Variants in WDR11 observed in about 807,000 individuals in gnomAD.
The protein encoded by WDR11 is WD repeat domain 11.
WDR11 carries 83 observed loss-of-function variants against 151.2 expected under a neutral mutation model. The ratio of observed to expected loss-of-function variants is 0.55; its 90% CI spans 0.46 to 0.66. The LOEUF (loss-of-function observed/expected upper bound fraction) is 0.66, where lower values mean the gene tolerates loss of function less well. Among genes scored for constraint, WDR11 ranks in the 30% least tolerant of loss-of-function variants. WDR11 has a pLI of 0.00. For synonymous variants in WDR11, 484 were observed against 533.1 expected (o/e 0.91, Z 1.27); for missense variants, 1,301 against 1,480.9 (o/e 0.88, Z 1.99).
chr10:120,864,314 A>AT (rs2133742815), intron 5 of WDR11, among the ~76,000 whole-genome samples: 1 of 152,324 alleles, frequency 6.6e-6, no homozygotes, highest in East Asian at 1.9e-4. Flanking sequence ...TTTTAATAAA[A>AT]TTATGTTTGT....
chr10:120,903,546 G>A (rs1367544733), intron 23 of WDR11, among the ~76,000 whole-genome samples: 1 of 143,056 alleles, frequency 7.0e-6, no homozygotes, highest in South Asian at 2.3e-4. Flanking sequence ...AGAAGCCCTC[G>A]GTACATTTGC....
intron 2 of WDR11, among the ~76,000 whole-genome samples, chr10:120,856,390 C>G (rs1845945540): frequency 1.3e-5 from 2 of 152,006 alleles, no homozygotes; most frequent in African/African-American, 4.8e-5. Flanking sequence ...GCCTGGCCAA[C>G]AAGGCAAAAC....
At chr10:120,878,974 T>G (rs1420963523) in intron 12 of WDR11, 1 of 152,392 alleles carries the variant, frequency 6.6e-6, no homozygotes, top group Non-Finnish European at 1.5e-5. Flanking sequence ...AAGGTAACTT[T>G]TTCAGAATTG....
intron 28 of WDR11, 113 bp downstream of exon 28, chr10:120,906,968 C>T: frequency 6.8e-7 from 1 of 1,476,778 alleles, no homozygotes; most frequent in South Asian, 1.2e-5. Context: ...TGTGAAAGAT[C>T]CATGTTCTGA....
At chr10:120,903,427 T>C (rs1386447870) in intron 23 of WDR11, among the ~76,000 whole-genome samples, 195 bp downstream of exon 23, 1 of 151,798 alleles carries the variant, frequency 6.6e-6, no homozygotes, top group Non-Finnish European at 1.5e-5. Context: ...GGAGAATCAC[T>C]TGAACCCAGG....
At chr10:120,900,263 G>A (rs1847765929) in intron 20 of WDR11, 126 bp downstream of exon 20, 1 of 853,936 alleles carries the variant, frequency 1.2e-6, no homozygotes, top group African/African-American at 1.7e-5. Flanking sequence ...AGAGAAGGCA[G>A]AGACACTACA....
intron 14 of WDR11, 142 bp downstream of exon 14, chr10:120,884,030 TAAATG>T: frequency 1.5e-6 from 1 of 678,484 alleles, no homozygotes; most frequent in South Asian, 1.8e-5. Flanking sequence ...ATGATCTAAA[TAAATG>T]GAGATAATTC....
intron 4 of WDR11, among the ~76,000 whole-genome samples, chr10:120,861,446 T>C (rs556956222): frequency 2.6e-5 from 4 of 152,330 alleles, no homozygotes; most frequent in African/African-American, 9.6e-5. Context: ...CTAGGAGGGC[T>C]GGCCCAGTTG....
chr10:120,855,839 T>A (rs1845926708), intron 2 of WDR11, among the ~76,000 whole-genome samples: 1 of 152,194 alleles, frequency 6.6e-6, no homozygotes, highest in Non-Finnish European at 1.5e-5. Context: ...ATAATCTGTG[T>A]GTCTTCTATT....
Position 120,889,977 on chromosome 10 carries a change from A to G in WDR11, c.2311A>G (p.Asn771Asp), listed in dbSNP as rs1847367560. ...KGNQKLIAMY[N>D]DGAEVWDTKE... is the part of the protein sequence containing the mutation. ...AAATCAAAAATTAATAGCAATGTAC[A>G]ATGATGGAGCTGAAGTGTGGGATAC... The change falls in exon 18 of 29, where the codon AAT (asparagine) becomes GAT (aspartate). Residue 771 changes from asparagine (N) to aspartate (D), a missense_variant. Physicochemically the swap from Asn to Asp is conservative, Grantham distance 23. Coordinates refer to ENST00000263461, the MANE Select transcript of WDR11 (RefSeq NM_018117.12). 4.3e-6 allele frequency: 7 copies of G among 1,613,884 alleles called. No individual in the cohort carries two copies. The highest frequency in any genetic ancestry group is 5.9e-6 in the Non-Finnish European group (7 of 1,179,810).
At chr10:120,872,574 G>A (rs3781244) in intron 10 of WDR11, among the ~76,000 whole-genome samples, 47,216 of 109,306 alleles carry the variant, frequency 0.43, 7,637 homozygotes, top group East Asian at 0.53. Flanking sequence ...AAAAATATAA[G>A]TACCTAAAAG....
At position 120,904,064 on chromosome 10, in the gene WDR11, G is replaced by C; in HGVS notation, c.2949G>C (p.Arg983Ser). 6.2e-7 allele frequency: 1 copy of C among 1,612,008 alleles called. No individual in the cohort carries two copies. The highest frequency in any genetic ancestry group is 1.3e-5 in the African/African-American group (1 of 74,918). The change falls in exon 24 of 29, where the codon AGG becomes AGC. Residue 983 changes from arginine (R) to serine (S), a missense_variant. Arg to Ser is a moderately radical substitution (Grantham distance 110). Coordinates refer to ENST00000263461, the MANE Select transcript of WDR11 (RefSeq NM_018117.12). The part of the protein sequence containing the change: ...NAYFQKFQLE[R>S]VNLQEVKRST... ...AATTCTAGAAATTTCAGCTAGAAAGGGTTAATCTGCAGGAAGTGAAACGGT... is the reference window on the plus strand; with the variant it reads ...AATTCTAGAAATTTCAGCTAGAAAGCGTTAATCTGCAGGAAGTGAAACGGT...
At chr10:120,905,664 G>T (rs992675060) in intron 26 of WDR11, 17 of 910,286 alleles carry the variant, frequency 1.9e-5, no homozygotes, top group Non-Finnish European at 2.6e-5. Context: ...AGTCTGAGCC[G>T]AAACTACAGT....
intron 13 of WDR11, 49 bp from the exon 14 acceptor site, chr10:120,883,731 G>A (rs766604201): frequency 7.2e-6 from 11 of 1,527,382 alleles, no homozygotes; most frequent in Non-Finnish European, 1.0e-5. Flanking sequence ...CTAATTCATG[G>A]TGAAATTTTT....
intron 2 of WDR11, among the ~76,000 whole-genome samples, chr10:120,854,442 G>T (rs1279117648): frequency 6.6e-6 from 1 of 152,066 alleles, no homozygotes; most frequent in Non-Finnish European, 1.5e-5. Context: ...TGTACTTTTT[G>T]CCTGTTACGA....
Position 120,902,304 on chromosome 10 carries a change from G to A in WDR11, c.2735G>A (p.Arg912Lys), listed in dbSNP as rs367991108. 8.1e-6 allele frequency: 13 copies of A among 1,613,846 alleles called. No homozygotes were observed. The African/African-American group carries it at 1.6e-4, about 20-fold the overall frequency. ...GATCCAGAATTCACTCTCTTGCAGA[G>A]GTGCCTGCTTGTTTCAAGGTAATAT... Reference protein sequence around the residue: ...LLDPEFTLLQRCLLVSRLYGD... With the variant: ...LLDPEFTLLQKCLLVSRLYGD... Residue 912 changes from arginine (R) to lysine (K), a missense_variant, in exon 22 of 29, where the codon AGG becomes AAG. Transcript: ENST00000263461.
chr10:120,906,522 ATC>A, intron 27 of WDR11: 1 of 1,355,230 alleles, frequency 7.4e-7, no homozygotes, highest in African/African-American at 1.5e-5. Flanking sequence ...CACTTGTCAT[ATC>A]TCTGTAGATT....
intron 20 of WDR11, among the ~76,000 whole-genome samples, chr10:120,900,660 G>C (rs984071083): frequency 6.6e-6 from 1 of 152,160 alleles, no homozygotes; most frequent in African/African-American, 2.4e-5. Flanking sequence ...TGTTCTCCAA[G>C]CACTGTCTCC....
chr10:120,899,768 G>T (rs1283023938), intron 19 of WDR11: 2 of 455,450 alleles, frequency 4.4e-6, no homozygotes, highest in East Asian at 8.6e-5. Flanking sequence ...AGGTGACAGA[G>T]CGAGGCTTTG....
Sources: gnomAD v4.1 joint callset for allele counts (sites outside exome capture counted in the v4.1 genomes callset) on GRCh38, gnomAD v4.1.1 for gene constraint, MANE v1.5 for transcripts, NCBI Gene and HGNC (gene_info 2026-07-23, HGNC 2026-07-21) for gene names.